EDARADD: variants seen among roughly 807,000 people sequenced by gnomAD.
The protein encoded by EDARADD is EDAR associated via death domain, also known as ectodysplasin-A receptor-associated adapter protein.
In EDARADD, 20 loss-of-function variants were observed where a neutral mutation model predicts 25.6. The ratio of observed to expected loss-of-function variants is 0.78; its 90% CI spans 0.55 to 1.14. The LOEUF is 1.14. Among genes scored for constraint, EDARADD ranks in the 50% most tolerant of loss-of-function variants. The pLI is 0.00. For synonymous variants in EDARADD, 86 were observed against 94.4 expected, an observed-to-expected ratio of 0.91 and a Z score of 0.52; for missense variants, 225 against 270.1, an observed-to-expected ratio of 0.83 and a Z score of 1.17.
chr1:236,353,010 T>TAAA (rs71559946), intron 3 of EDARADD, among the ~76,000 whole-genome samples: 1 of 148,744 alleles, frequency 6.7e-6, no homozygotes, highest in Non-Finnish European at 1.5e-5. Flanking sequence ...ACTCCGTCTC[T>TAAA]AAAAAAAAAA....
intron 3 of EDARADD, among the ~76,000 whole-genome samples, chr1:236,372,067 T>C (rs1448697889): frequency 6.6e-6 from 1 of 151,992 alleles, no homozygotes; most frequent in Non-Finnish European, 1.5e-5. Context: ...AGCAATTCTA[T>C]TGTCTCAGCT....
At chr1:236,478,323 CTAGCTGTTAA>C (rs1394381730) in intron 5 of EDARADD, among the ~76,000 whole-genome samples, 2 of 151,038 alleles carry the variant, frequency 1.3e-5, no homozygotes, top group East Asian at 3.9e-4. Flanking sequence ...GGGGAAAACC[CTAGCTGTTAA>C]TAGTTTATCC....
At chr1:236,409,466 T>C (rs1657361613) in intron 2 of EDARADD, among the ~76,000 whole-genome samples, 192 bp downstream of exon 2, 1 of 152,184 alleles carries the variant, frequency 6.6e-6, no homozygotes, top group Non-Finnish European at 1.5e-5. Context: ...AGGCTAAAAA[T>C]GGCGTTAGAT....
chr1:236,385,583 G>T (rs149965941), intron 3 of EDARADD, among the ~76,000 whole-genome samples: 1 of 151,978 alleles, frequency 6.6e-6, no homozygotes, highest in Non-Finnish European at 1.5e-5. Flanking sequence ...AATTAGTTCG[G>T]TGTGGTGACA....
intron 3 of EDARADD, among the ~76,000 whole-genome samples, chr1:236,379,070 G>A (rs12123632): frequency 0.094 from 14,315 of 152,106 alleles, 1,051 homozygotes; most frequent in East Asian, 0.3. Flanking sequence ...GAAGTTGCCC[G>A]TTTAAACAAC....
intron 2 of EDARADD, among the ~76,000 whole-genome samples, chr1:236,411,671 C>G (rs1172201298): frequency 6.6e-6 from 1 of 152,064 alleles, no homozygotes; most frequent in Non-Finnish European, 1.5e-5. Flanking sequence ...GCCTCAGCCT[C>G]CCAAGTAGCT....
chr1:236,433,694 AAAAAT>A (rs1004843264), intron 4 of EDARADD, among the ~76,000 whole-genome samples: 1 of 151,924 alleles, frequency 6.6e-6, no homozygotes, highest in East Asian at 2.0e-4. Context: ...AGAGTGGTTA[AAAAAT>A]AAAATAAAAT....
At chr1:236,434,098 C>G (rs563818701) in intron 4 of EDARADD, among the ~76,000 whole-genome samples, 12 of 152,248 alleles carry the variant, frequency 7.9e-5, no homozygotes, top group Middle Eastern at 6.8e-3. Flanking sequence ...GTCTGAGGGC[C>G]GGAGCCAGAA....
chr1:236,446,769 T>C (rs1658547245), intron 4 of EDARADD, among the ~76,000 whole-genome samples: 1 of 152,230 alleles, frequency 6.6e-6, no homozygotes, highest in Non-Finnish European at 1.5e-5. Flanking sequence ...TTCTGTAGGT[T>C]GTGGTCAAAA....
Position 236,483,182 on chromosome 1 carries a change from C to A in EDARADD, c.*533C>A, listed in dbSNP as rs1659728637. The A allele has an allele frequency of 3.8e-6, 6 of 1,565,268 alleles. No homozygotes were observed. In the Admixed American group the frequency reaches 1.0e-4, roughly 26 times the overall value. On this transcript the variant is annotated 3_prime_UTR_variant, in exon 6 of 6. Transcript: ENST00000334232. ...AATTCACCATGTCTATTCTCAAGAT[C>A]CATGCCAGGGAGCTCTTTGACTCTC... is the stretch of plus-strand genomic sequence containing the variant.
At chr1:236,430,846 G>A (rs114025269) in intron 4 of EDARADD, among the ~76,000 whole-genome samples, 3 of 152,124 alleles carry the variant, frequency 2.0e-5, no homozygotes, top group East Asian at 1.9e-4. Context: ...GGCCGAGCTC[G>A]GTGGCTCACG....
At chr1:236,375,183 G>C (rs1003450110) in intron 3 of EDARADD, among the ~76,000 whole-genome samples, 1 of 151,906 alleles carries the variant, frequency 6.6e-6, no homozygotes, top group Non-Finnish European at 1.5e-5. Context: ...GGCAGTGCAG[G>C]TACCTATAAT....
intron 3 of EDARADD, among the ~76,000 whole-genome samples, chr1:236,422,304 A>T (rs947066495): frequency 4.6e-5 from 7 of 152,210 alleles, no homozygotes; most frequent in Non-Finnish European, 1.0e-4. Context: ...TGGGACTCCA[A>T]AGGAGACTGG....
At chr1:236,479,168 T>TA (rs1163187529) in intron 5 of EDARADD, among the ~76,000 whole-genome samples, 1 of 150,974 alleles carries the variant, frequency 6.6e-6, no homozygotes, top group East Asian at 1.9e-4. Flanking sequence ...CCATGGAAAT[T>TA]AAAAAAGAAA....
intron 1 of EDARADD, among the ~76,000 whole-genome samples, chr1:236,405,955 A>C (rs1433163613): frequency 1.7e-5 from 2 of 119,516 alleles, no homozygotes; most frequent in Non-Finnish European, 1.7e-5. Flanking sequence ...GCTCATTCTA[A>C]TTTTCCTGTA....
rs1032611519 is a variant in EDARADD, at chr1:236,444,507, C to T, written c.219+17057C>T. ...CACAATTTCGGCTCACTGCAACCTC[C>T]GCCTGCAGGGTTCAAGCGATTCTCC... On this transcript the variant is annotated intron_variant, in intron 4 of 5. Coordinates refer to ENST00000334232, the MANE Select transcript of EDARADD (RefSeq NM_145861.4). Among the ~76,000 whole-genome samples the T allele has an allele frequency of 3.3e-5, 5 of 152,212 alleles. No individual in the cohort carries two copies. The South Asian group carries it at 6.2e-4, about 19-fold the overall frequency.
intron 4 of EDARADD, among the ~76,000 whole-genome samples, chr1:236,430,387 AT>A (rs1471763770): frequency 6.6e-6 from 1 of 152,198 alleles, no homozygotes; most frequent in Non-Finnish European, 1.5e-5. Context: ...AGATAAAAGA[AT>A]GCTAAGTTTT....
At chr1:236,362,987 G>GGAAA (rs1456089586) in intron 3 of EDARADD, among the ~76,000 whole-genome samples, 10 of 29,562 alleles carry the variant, frequency 3.4e-4, no homozygotes, top group Middle Eastern at 0.029. Flanking sequence ...CTTTTTTTAA[G>GGAAA]AAAAAAAAAA....
chr1:236,366,803 G>A (rs888169922), intron 3 of EDARADD, among the ~76,000 whole-genome samples: 5 of 150,076 alleles, frequency 3.3e-5, no homozygotes, highest in Non-Finnish European at 7.4e-5. Flanking sequence ...CTGGCCAGGC[G>A]CGGTGGCTCA....
Sources: allele counts gnomAD v4.1 joint callset (sites outside exome capture counted in the v4.1 genomes callset), GRCh38; gene constraint gnomAD v4.1.1; transcripts MANE v1.5; gene names NCBI Gene and HGNC (gene_info 2026-07-23, HGNC 2026-07-21).